RFTN1: variants seen among roughly 807,000 people sequenced by gnomAD.
RFTN1 encodes the protein raftlin.
In RFTN1, 26 loss-of-function variants were observed where a neutral mutation model predicts 46.5. The observed-to-expected ratio is 0.56, with a 90% confidence interval of 0.41 to 0.78. The LOEUF (loss-of-function observed/expected upper bound fraction) is 0.78. Among genes scored for constraint, RFTN1 ranks in the 30% least tolerant of loss-of-function variants. The probability of loss-of-function intolerance (pLI) is 0.00; values close to 1 mark genes in which losing one functional copy is unlikely to be tolerated. For synonymous variants in RFTN1, 261 were observed against 284.2 expected, an observed-to-expected ratio of 0.92 and a Z score of 0.82; for missense variants, 693 against 718.7, an observed-to-expected ratio of 0.96 and a Z score of 0.41.
Position 16,448,357 on chromosome 3 carries a change from CA to C in RFTN1, c.146-14321del, listed in dbSNP as rs148308891. 2.7e-5 allele frequency among the ~76,000 whole-genome samples: 4 copies of C among 149,604 alleles called. No homozygotes were observed. The highest frequency in any genetic ancestry group is 1.3e-4 in the Admixed American group (2 of 15,024). ...TAAACAGATGCATTTTCTTACAGTCCAAAAAAAAACATGATCCCTTGTTGAC... is the reference window on the plus strand; with the variant it reads ...TAAACAGATGCATTTTCTTACAGTCCAAAAAAAACATGATCCCTTGTTGAC... On this transcript the variant is annotated intron_variant, in intron 2 of 9. Coordinates refer to ENST00000334133, the MANE Select transcript of RFTN1 (RefSeq NM_015150.2). The surrounding 1 kb of genome is among the most constrained non-coding windows in gnomAD (Gnocchi z 4.1).
In RFTN1 at chr3:16,321,655, C is replaced by A. The variant is rs890229478; in HGVS notation, c.1332+1721G>T. On this transcript the variant is annotated intron_variant, in intron 9 of 9. Coordinates refer to ENST00000334133, the MANE Select transcript of RFTN1 (RefSeq NM_015150.2). The surrounding 1 kb of genome is among the most constrained non-coding windows in gnomAD (Gnocchi z 4.8). ...GGTCTTGTGTAGAACAAGTGCTCCA[C>A]ACCAGTCACCTACAGTCTTGGAATG... 2.0e-5 allele frequency among the ~76,000 whole-genome samples: 3 copies of A among 152,074 alleles called. No individual in the cohort carries two copies. Among genetic ancestry groups the A allele is most frequent in the Non-Finnish European group, 2.9e-5 (2 of 67,994 alleles).
chr3:16,326,829 C>T lies in RFTN1; in HGVS notation c.1194G>A (p.Ala398=), dbSNP rs760229079. Residue 398 remains alanine, a synonymous_variant, in exon 8 of 10, where the codon GCG becomes GCA. Transcript: ENST00000334133. ...TDYVPLLNSL[A]AYGWQLTCVL... is the part of the protein sequence containing the mutation. The stretch of plus-strand genomic sequence containing the variant: ...CACAGGTGAGCTGCCAGCCATAGGC[C>T]GCCAGCGAGTTCAGCAGGGGCACGT... 1.6e-5 allele frequency: 26 copies of T among 1,613,940 alleles called. No individual in the cohort carries two copies. In the South Asian group the frequency reaches 2.0e-4, roughly 12 times the overall value.
chr3:16,318,709 T>A (rs1331277211), intron 9 of RFTN1, among the ~76,000 whole-genome samples: 2 of 152,300 alleles, frequency 1.3e-5, no homozygotes, highest in Admixed American at 1.3e-4. Context: ...AGGTTAGGAT[T>A]TAACATTTAT....
In RFTN1 at chr3:16,465,403, G is replaced by A. The variant is rs371016425; in HGVS notation, c.145+28322C>T. Among the ~76,000 whole-genome samples, 1 of 147,200 alleles carries A rather than the reference G, an allele frequency of 6.8e-6. No individual in the cohort carries two copies. Among genetic ancestry groups the A allele is most frequent in the Non-Finnish European group, 1.5e-5 (1 of 67,184 alleles). Reference sequence around the variant, plus strand: ...CAGGAAAAAAATATCCCCAACAGAGGTTGGCAGCTCAGAGGGACACACACA... The same window carrying A: ...CAGGAAAAAAATATCCCCAACAGAGATTGGCAGCTCAGAGGGACACACACA... On this transcript the variant is annotated intron_variant, in intron 2 of 9. Transcript: ENST00000334133. The surrounding 1 kb of genome is among the most constrained non-coding windows in gnomAD (Gnocchi z 5.1).
intron 2 of RFTN1, among the ~76,000 whole-genome samples, chr3:16,485,930 A>G (rs913399632): frequency 1.3e-5 from 2 of 152,236 alleles, no homozygotes; most frequent in Non-Finnish European, 2.9e-5. Context: ...TTACCTGCCA[A>G]ATCAATTTCT....
chr3:16,461,434 A>T (rs2076007029), intron 2 of RFTN1, among the ~76,000 whole-genome samples: 1 of 152,248 alleles, frequency 6.6e-6, no homozygotes, highest in South Asian at 2.1e-4. Context: ...ATACACGTAC[A>T]TAAATACATA....
At chr3:16,319,227 G>C (rs1243368776) in intron 9 of RFTN1, among the ~76,000 whole-genome samples, 3 of 152,206 alleles carry the variant, frequency 2.0e-5, no homozygotes, top group Admixed American at 6.5e-5. Context: ...AAGCCTACCT[G>C]TGTAGTATAG....
intron 2 of RFTN1, among the ~76,000 whole-genome samples, chr3:16,445,599 G>A (rs1429113165): frequency 1.3e-5 from 2 of 151,946 alleles, no homozygotes; most frequent in Non-Finnish European, 2.9e-5. Flanking sequence ...CTGAATGAAT[G>A]TGGTATAAGT....
chr3:16,387,611 T>TCTCTCTCTCTCTCTCTCTC lies in RFTN1; in HGVS notation c.442-9510_442-9509insGAGAGAGAGAGAGAGAGAG, dbSNP rs67676889. ...CTCTCTCTCTCTCTCTCTCTCTCTC[T>TCTCTCTCTCTCTCTCTCTC]ACTGGCTCCTTCCACTCAGCATACA... On this transcript the variant is annotated intron_variant, in intron 4 of 9. Transcript: ENST00000334133. This position sits in a 1 kb window ranked among gnomAD's most constrained non-coding sequence, Gnocchi z 5.2. 7.6e-6 allele frequency among the ~76,000 whole-genome samples: 1 copy of TCTCTCTCTCTCTCTCTCTC among 131,610 alleles called. No homozygotes were observed. Among genetic ancestry groups the TCTCTCTCTCTCTCTCTCTC allele is most frequent in the Admixed American group, 7.7e-5 (1 of 12,998 alleles). The allele number at this position is 131,610 out of a possible 152,430, so 86.3% of individuals were successfully genotyped here.
rs1693751089 is a variant in RFTN1, at chr3:16,513,344, G to C, written c.-9+98C>G. The C allele has an allele frequency of 1.3e-5, 2 of 152,728 alleles. No individual in the cohort carries two copies. Among genetic ancestry groups the C allele is most frequent in the Admixed American group, 6.5e-5 (1 of 15,316 alleles). 9.5% of individuals were successfully genotyped at this position (152,728 alleles called of 1,614,324 possible). On this transcript the variant is annotated intron_variant, in intron 1 of 9. Coordinates refer to ENST00000334133, the MANE Select transcript of RFTN1 (RefSeq NM_015150.2). This position sits in a 1 kb window ranked among gnomAD's most constrained non-coding sequence, Gnocchi z 5.4. Reference sequence around the variant, plus strand: ...AACCTGCAGGGAGGCGCCACGCGCGGTTCCCACTACCCGCCAGAGACCCGG... The same window carrying C: ...AACCTGCAGGGAGGCGCCACGCGCGCTTCCCACTACCCGCCAGAGACCCGG...
intron 2 of RFTN1, among the ~76,000 whole-genome samples, chr3:16,478,278 C>G (rs1047252153): frequency 1.3e-5 from 2 of 152,180 alleles, no homozygotes; most frequent in Non-Finnish European, 2.9e-5. Context: ...CCCATTTCCA[C>G]CTCTTTCTAG....
rs1275673258 is a variant in RFTN1 at position 16,317,916 on chromosome 3, C to T, written c.1333-684G>A. On this transcript the variant is annotated intron_variant, in intron 9 of 9. Coordinates refer to ENST00000334133, the MANE Select transcript of RFTN1 (RefSeq NM_015150.2). This position sits in a 1 kb window ranked among gnomAD's most constrained non-coding sequence, Gnocchi z 4.3. ...AATGCCATCCCAGCTCCAAGCCAAC[C>T]TGGGGGATTGTGACTGCATCACAGC... is the stretch of plus-strand genomic sequence containing the variant. Among the ~76,000 whole-genome samples the T allele has an allele frequency of 6.6e-6, 1 of 152,192 alleles. No homozygotes were observed. The highest frequency in any genetic ancestry group is 1.5e-5 in the Non-Finnish European group (1 of 68,040).
rs978264599 is a variant in RFTN1 at position 16,489,168 on chromosome 3, G to A, written c.145+4557C>T. 1.1e-4 allele frequency among the ~76,000 whole-genome samples: 17 copies of A among 152,204 alleles called. No homozygotes were observed. Among genetic ancestry groups the A allele is most frequent in the African/African-American group, 3.1e-4 (13 of 41,538 alleles). On this transcript the variant is annotated intron_variant, in intron 2 of 9. Coordinates refer to ENST00000334133, the MANE Select transcript of RFTN1 (RefSeq NM_015150.2). This position sits in a 1 kb window ranked among gnomAD's most constrained non-coding sequence, Gnocchi z 4.0. ...TGAGGTGGCTCACACCTGTAATCCCGGCACTTTGGGAAGCTGAGGCAGGCA... is the reference window on the plus strand; with the variant it reads ...TGAGGTGGCTCACACCTGTAATCCCAGCACTTTGGGAAGCTGAGGCAGGCA...
In RFTN1 at chr3:16,497,740, C is replaced by A. The variant is rs146117943; in HGVS notation, c.-8-3863G>T. ...GTTCATTCCTTTGAAATCAGAATTA[C>A]CTTTCCTAAGTATCTGCTTTTAAAT... On this transcript the variant is annotated intron_variant, in intron 1 of 9. Transcript: ENST00000334133. 1.6e-3 allele frequency among the ~76,000 whole-genome samples: 237 copies of A among 152,326 alleles called. 1 individual carries two copies. Among genetic ancestry groups the A allele is most frequent in the African/African-American group, 5.3e-3 (221 of 41,576 alleles).
At position 16,410,469 on chromosome 3, in the gene RFTN1, T is replaced by G. The variant is rs2074962072; in HGVS notation, c.333-986A>C. Among the ~76,000 whole-genome samples the G allele has an allele frequency of 6.6e-6, 1 of 152,142 alleles. No individual in the cohort carries two copies. The highest frequency in any genetic ancestry group is 6.5e-5 in the Admixed American group (1 of 15,278). On this transcript the variant is annotated intron_variant, in intron 3 of 9. Transcript: ENST00000334133. The surrounding 1 kb of genome is among the most constrained non-coding windows in gnomAD (Gnocchi z 4.6). The stretch of plus-strand genomic sequence containing the variant: ...ATTTAGCCATAATCCCTAATTGTTT[T>G]CATTTTTAAATGAAAAGAATATATT...
In RFTN1 at chr3:16,358,062, A is replaced by T; in HGVS notation, c.1031-15T>A. 1 of 1,130,168 alleles carries T rather than the reference A, an allele frequency of 8.8e-7. No homozygotes were observed. The allele number at this position is 1,130,168 out of a possible 1,614,324, so 70.0% of individuals were successfully genotyped here. A position where few individuals can be genotyped will look rare whatever the true frequency, so the allele number is the denominator to read the frequency against. On this transcript the variant is annotated splice_polypyrimidine_tract_variant and intron_variant, in intron 6 of 9. Coordinates refer to ENST00000334133, the MANE Select transcript of RFTN1 (RefSeq NM_015150.2). ...ATGTAAGGAATCTGTGGAAAAAGAA[A>T]AAGGCGGGGGTGGGGGGGGTCTGTA...
chr3:16,478,513 C>T (rs563094160), intron 2 of RFTN1, among the ~76,000 whole-genome samples: 2 of 152,344 alleles, frequency 1.3e-5, no homozygotes, highest in African/African-American at 4.8e-5. Flanking sequence ...AAACTGCCTG[C>T]ATTATTAATA....
chr3:16,435,610 A>C (rs140437374), intron 2 of RFTN1, among the ~76,000 whole-genome samples: 1 of 152,150 alleles, frequency 6.6e-6, no homozygotes, highest in Admixed American at 6.5e-5. Context: ...TACTTTTCTT[A>C]AGAGACCATT....
Position 16,447,747 on chromosome 3 carries a change from C to G in RFTN1, c.146-13710G>C, listed in dbSNP as rs1189999163. Among the ~76,000 whole-genome samples, 1 of 152,134 alleles carries G rather than the reference C, an allele frequency of 6.6e-6. No individual in the cohort carries two copies. The highest frequency in any genetic ancestry group is 1.9e-4 in the East Asian group (1 of 5,198). ...GGTGAAAATCATTTCTAATTACACC[C>G]AGAAGAAAAATACGATCTATCCACC... On this transcript the variant is annotated intron_variant, in intron 2 of 9. Coordinates refer to ENST00000334133, the MANE Select transcript of RFTN1 (RefSeq NM_015150.2). The surrounding 1 kb of genome is among the most constrained non-coding windows in gnomAD (Gnocchi z 5.9).
Sources: allele counts gnomAD v4.1 joint callset (sites outside exome capture counted in the v4.1 genomes callset), GRCh38; gene constraint gnomAD v4.1.1; non-coding constraint Gnocchi (gnomAD v3.1); transcripts MANE v1.5; gene names NCBI Gene and HGNC (gene_info 2026-07-23, HGNC 2026-07-21).